CNTN4: variants seen among roughly 807,000 people sequenced by gnomAD.
CNTN4 encodes contactin-4.
Under a neutral mutation model 122.5 loss-of-function variants are expected in CNTN4, and 77 were observed. The ratio of observed to expected loss-of-function variants is 0.63; its 90% confidence interval spans 0.52 to 0.76. The LOEUF (loss-of-function observed/expected upper bound fraction) is 0.76, where lower values mean the gene tolerates loss of function less well. Among genes scored for constraint, CNTN4 ranks in the 30% least tolerant of loss-of-function variants. The pLI, the probability that CNTN4 is intolerant of heterozygous loss-of-function variation, is 0.00. For synonymous variants in CNTN4, 512 were observed against 447.0 expected (o/e 1.15, Z -1.83); for missense variants, 1,256 against 1,259.1 (o/e 1.00, Z 0.04).
intron 12 of CNTN4, among the ~76,000 whole-genome samples, chr3:2,909,854 T>C (rs2094280393): frequency 6.6e-6 from 1 of 152,194 alleles, no homozygotes; most frequent in South Asian, 2.1e-4. Flanking sequence ...ACAAGTGATG[T>C]TGATGCTGAT....
chr3:2,991,735 A>G (rs1430941448), intron 14 of CNTN4, among the ~76,000 whole-genome samples: 1 of 152,156 alleles, frequency 6.6e-6, no homozygotes, highest in East Asian at 1.9e-4. Context: ...CTCCGCATGA[A>G]CTGTGCCAAG....
At chr3:3,015,919 A>T (rs534761778) in intron 14 of CNTN4, among the ~76,000 whole-genome samples, 2 of 152,182 alleles carry the variant, frequency 1.3e-5, no homozygotes, top group South Asian at 2.1e-4. Context: ...AGATCTTATT[A>T]TGCCATTCTT....
At chr3:2,621,787 T>C (rs555343342) in intron 4 of CNTN4, among the ~76,000 whole-genome samples, 1 of 152,232 alleles carries the variant, frequency 6.6e-6, no homozygotes, top group Admixed American at 6.5e-5. Context: ...TGATATTAAT[T>C]CCATTTCACA....
intron 4 of CNTN4, among the ~76,000 whole-genome samples, chr3:2,719,086 C>G (rs189143020): frequency 1.3e-5 from 2 of 152,122 alleles, no homozygotes; most frequent in African/African-American, 4.8e-5. Context: ...AGTTACTAAC[C>G]ATCAGCTTGT....
chr3:2,722,332 G>A (rs939756508), intron 4 of CNTN4, among the ~76,000 whole-genome samples: 1 of 152,082 alleles, frequency 6.6e-6, no homozygotes, highest in Admixed American at 6.5e-5. Flanking sequence ...GTACATAGTG[G>A]GTACTCAGTA....
chr3:3,021,748 G>A (rs150493775), intron 14 of CNTN4, among the ~76,000 whole-genome samples: 7 of 152,254 alleles, frequency 4.6e-5, no homozygotes, highest in South Asian at 4.1e-4. Flanking sequence ...AATGGAATTC[G>A]TATCCTGTGG....
At chr3:2,312,872 G>A (rs1035856564) in intron 2 of CNTN4, among the ~76,000 whole-genome samples, 7 of 151,796 alleles carry the variant, frequency 4.6e-5, no homozygotes, top group South Asian at 2.1e-4. Flanking sequence ...TGTGCTGTTC[G>A]TTGCTATGAT....
chr3:2,571,299 C>G, intron 3 of CNTN4, 117 bp from the exon 4 acceptor site: 2 of 613,022 alleles, frequency 3.3e-6, no homozygotes, highest in Non-Finnish European at 5.8e-6. Flanking sequence ...CTTTCTTCCC[C>G]TCCAATGGTA....
At chr3:2,598,168 T>TA (rs1211410163) in intron 4 of CNTN4, among the ~76,000 whole-genome samples, 3 of 152,208 alleles carry the variant, frequency 2.0e-5, no homozygotes, top group Non-Finnish European at 4.4e-5. Flanking sequence ...TGACCTCCAG[T>TA]ATCAAACATG....
chr3:2,205,363 TTATAA>T (rs890132577), intron 2 of CNTN4, among the ~76,000 whole-genome samples: 11 of 149,872 alleles, frequency 7.3e-5, no homozygotes, highest in Non-Finnish European at 1.6e-4. Context: ...TGTAATATAA[TTATAA>T]TATACTTAAT....
At chr3:2,349,378 A>G (rs1026165368) in intron 3 of CNTN4, among the ~76,000 whole-genome samples, 5 of 152,198 alleles carry the variant, frequency 3.3e-5, no homozygotes, top group African/African-American at 1.2e-4. Context: ...AACAGTCTTT[A>G]GAACATTTAG....
At chr3:2,552,444 A>C (rs1215822196) in intron 3 of CNTN4, among the ~76,000 whole-genome samples, 2 of 152,194 alleles carry the variant, frequency 1.3e-5, no homozygotes, top group Non-Finnish European at 2.9e-5. Context: ...TGGTACCTAC[A>C]GAGTACAAGA....
At chr3:2,396,910 G>C (rs2046663285) in intron 3 of CNTN4, among the ~76,000 whole-genome samples, 1 of 152,106 alleles carries the variant, frequency 6.6e-6, no homozygotes, top group Non-Finnish European at 1.5e-5. Context: ...GTGTTATGGG[G>C]TTTAGGATAT....
At chr3:2,820,191 T>C (rs1233577306) in intron 7 of CNTN4, among the ~76,000 whole-genome samples, 1 of 152,200 alleles carries the variant, frequency 6.6e-6, no homozygotes, top group Non-Finnish European at 1.5e-5. Flanking sequence ...CCTCACACAC[T>C]TCTGACTAAC....
chr3:2,254,902 T>G (rs1009453409), intron 2 of CNTN4, among the ~76,000 whole-genome samples: 11 of 152,228 alleles, frequency 7.2e-5, no homozygotes, highest in African/African-American at 2.4e-4. Flanking sequence ...AGATCCCATT[T>G]GTCCATCTTG....
intron 3 of CNTN4, among the ~76,000 whole-genome samples, chr3:2,549,030 C>G (rs1002450915): frequency 6.6e-6 from 1 of 152,068 alleles, no homozygotes; most frequent in African/African-American, 2.4e-5. Flanking sequence ...GATTTTGTAT[C>G]CTGTGACTTT....
At chr3:2,800,283 A>G (rs1284467276) in intron 6 of CNTN4, among the ~76,000 whole-genome samples, 1 of 151,822 alleles carries the variant, frequency 6.6e-6, no homozygotes, top group African/African-American at 2.4e-5. Flanking sequence ...GTTGTTCTTT[A>G]CCCTGACATT....
At chr3:2,781,651 A>G (rs1027046720) in intron 6 of CNTN4, among the ~76,000 whole-genome samples, 4 of 151,710 alleles carry the variant, frequency 2.6e-5, no homozygotes, top group Admixed American at 1.3e-4. Flanking sequence ...TTTAAGAAAT[A>G]CATTGTATTC....
At chr3:2,474,770 A>C (rs1478359597) in intron 3 of CNTN4, among the ~76,000 whole-genome samples, 2 of 152,192 alleles carry the variant, frequency 1.3e-5, no homozygotes, top group African/African-American at 4.8e-5. Context: ...CCTTGAGTAC[A>C]TGAATGCATA....
Sources: gnomAD v4.1 joint callset for allele counts (sites outside exome capture counted in the v4.1 genomes callset) on GRCh38, gnomAD v4.1.1 for gene constraint, MANE v1.5 for transcripts, NCBI Gene and HGNC (gene_info 2026-07-23, HGNC 2026-07-21) for gene names.